Variants in FBXL18 observed in about 807,000 individuals in gnomAD.
FBXL18 encodes F-box/LRR-repeat protein 18.
Under a neutral mutation model 46.0 loss-of-function variants are expected in FBXL18, and 36 were observed. The ratio of observed to expected loss-of-function variants is 0.78; its 90% CI spans 0.60 to 1.03. FBXL18 has a LOEUF of 1.03. Ranked by LOEUF, FBXL18 falls within the 50% of genes least tolerant of loss-of-function variation. The pLI, the probability that FBXL18 is intolerant of heterozygous loss-of-function variation, is 0.00. For synonymous variants in FBXL18, 557 were observed against 465.3 expected (o/e 1.20, Z -2.54); for missense variants, 977 against 1,004.1 (o/e 0.97, Z 0.36).
chr7:5,468,761 G>A (rs1454056747), intron 4 of FBXL18, among the ~76,000 whole-genome samples: 4 of 151,736 alleles, frequency 2.6e-5, no homozygotes, highest in East Asian at 1.9e-4. Context: ...CCACCACGAC[G>A]GGCTAACTTT....
At chr7:5,474,466 C>T (rs1783476131), downstream of FBXL18, among the ~76,000 whole-genome samples, 1 of 150,018 alleles carries the variant, frequency 6.7e-6, no homozygotes, top group Non-Finnish European at 1.5e-5. Context: ...CAGGTGTGTG[C>T]CGCCATGCCC....
chr7:5,481,807 C>T lies in FBXL18; in HGVS notation c.2125G>A (p.Val709Met). The change falls in exon 5 of 5, where the codon GTG (valine) becomes ATG (methionine). Residue 709 changes from valine (V) to methionine (M), a missense_variant. Physicochemically the swap from Val to Met is conservative, Grantham distance 21. Transcript: ENST00000382368. Reference sequence around the variant, plus strand: ...CACAGGTTCGGCGGTTCCTCGGCCACTCTGCTCTTAAATAAGGTGATCTCA... The same window carrying T: ...CACAGGTTCGGCGGTTCCTCGGCCATTCTGCTCTTAAATAAGGTGATCTCA... ...LDEITLFKSR[V>M]AEEPPNLWW 6.2e-7 allele frequency: 1 copy of T among 1,613,650 alleles called. No homozygotes were observed. Among genetic ancestry groups the T allele is most frequent in the Non-Finnish European group, 8.5e-7 (1 of 1,179,998 alleles).
At chr7:5,497,441 A>G (rs761049704) in intron 3 of FBXL18, among the ~76,000 whole-genome samples, 10 of 152,140 alleles carry the variant, frequency 6.6e-5, no homozygotes, top group Non-Finnish European at 1.5e-4. Context: ...GACAGGAAAT[A>G]CAGAGGCTTC....
At chr7:5,470,650 C>T (rs953093672) in intron 4 of FBXL18, among the ~76,000 whole-genome samples, 1 of 151,932 alleles carries the variant, frequency 6.6e-6, no homozygotes, top group African/African-American at 2.4e-5. Context: ...AGGCCCCTTC[C>T]GCAGAGGCTT....
At position 5,462,996 on chromosome 7, in the gene FBXL18, A is replaced by ATATATAT. The variant is rs59380871; in HGVS notation, c.2001-15154_2001-15153insATATATA. Reference sequence around the variant, plus strand: ...TATATATATATATATATATATATATAATATATATACACACACACATGCATA... The same window carrying ATATATAT: ...TATATATATATATATATATATATATATATATATATATATATACACACACACATGCATA... On this transcript the variant is annotated intron_variant and NMD_transcript_variant, in intron 4 of 6. Coordinates refer to the FBXL18 transcript ENST00000415009. Among the ~76,000 whole-genome samples the ATATATAT allele has an allele frequency of 7.8e-3, 216 of 27,558 alleles. 17 individuals are homozygous for ATATATAT. Among genetic ancestry groups the ATATATAT allele is most frequent in the Non-Finnish European group, 0.011 (146 of 13,014 alleles). 18.1% of individuals were successfully genotyped at this position (27,558 alleles called of 152,430 possible).
chr7:5,468,144 A>G lies in FBXL18; in HGVS notation c.2001-20301T>C, dbSNP rs550765115. On this transcript the variant is annotated intron_variant and NMD_transcript_variant, in intron 4 of 6. Coordinates refer to the FBXL18 transcript ENST00000415009. ...ACTACAGGCGCCCGCCACCACACCC[A>G]GCTAATTTTTCTGTATTTTTAGTAG... Among the ~76,000 whole-genome samples, 34 of 152,086 alleles carry G rather than the reference A, an allele frequency of 2.2e-4. No homozygotes were observed. In the East Asian group the frequency reaches 3.7e-3, roughly 16 times the overall value.
At chr7:5,489,857 G>T in intron 4 of FBXL18, 1 of 491,656 alleles carries the variant, frequency 2.0e-6, no homozygotes, top group Non-Finnish European at 3.5e-6. Context: ...TCAGGAGGCT[G>T]AGGTTGCAAC....
intron 4 of FBXL18, among the ~76,000 whole-genome samples, chr7:5,460,512 G>A (rs987098759): frequency 6.6e-6 from 1 of 152,176 alleles, no homozygotes; most frequent in African/African-American, 2.4e-5. Flanking sequence ...GGAGTGCAAT[G>A]GTGCGATCTC....
At chr7:5,491,188 A>G (rs759142611) in intron 4 of FBXL18, 43 bp downstream of exon 4, 2 of 1,545,914 alleles carry the variant, frequency 1.3e-6, no homozygotes, top group East Asian at 4.7e-5. Context: ...GATGCTGGTG[A>G]TTTCTGCGGC....
intron 1 of FBXL18, among the ~76,000 whole-genome samples, chr7:5,511,619 T>A (rs1457299865): frequency 7.4e-6 from 1 of 134,976 alleles, no homozygotes; most frequent in Admixed American, 7.4e-5. Flanking sequence ...AAAAAAAAAA[T>A]CAGCCAGGTG....
At chr7:5,492,945 G>C (rs1783969290) in intron 3 of FBXL18, among the ~76,000 whole-genome samples, 1 of 152,140 alleles carries the variant, frequency 6.6e-6, no homozygotes. Flanking sequence ...GTGATCAATT[G>C]TCCTGGCAGC....
At chr7:5,483,438 CT>C (rs1783697180) in intron 4 of FBXL18, among the ~76,000 whole-genome samples, 1 of 111,878 alleles carries the variant, frequency 8.9e-6, no homozygotes, top group South Asian at 3.4e-4. Context: ...GAGACTCCAT[CT>C]CAAAAAAAGA....
In FBXL18 at chr7:5,455,763, AACACAC is replaced by A. The variant is rs36071919; in HGVS notation, c.2001-7926_2001-7921del. On this transcript the variant is annotated intron_variant and NMD_transcript_variant, in intron 4 of 6. Coordinates refer to the FBXL18 transcript ENST00000415009. This position sits in a 1 kb window ranked among gnomAD's most constrained non-coding sequence, Gnocchi z 4.6. ...CCCCCACCCCCACTACACACACACA[AACACAC>A]ACACACACACACACACACCACTTCC... Among the ~76,000 whole-genome samples the A allele has an allele frequency of 1.1e-4, 15 of 142,622 alleles. No homozygotes were observed. Among genetic ancestry groups the A allele is most frequent in the South Asian group, 2.3e-4 (1 of 4,392 alleles). The allele number at this position is 142,622 out of a possible 152,430, so 93.6% of individuals were successfully genotyped here. A position where few individuals can be genotyped will look rare whatever the true frequency, so the allele number is the denominator to read the frequency against.
chr7:5,454,965 G>A (rs966363440), intron 4 of FBXL18, among the ~76,000 whole-genome samples: 14 of 152,180 alleles, frequency 9.2e-5, no homozygotes, highest in Admixed American at 6.5e-4. Context: ...TACCAATGCC[G>A]CCCTCACCCC....
downstream of FBXL18, among the ~76,000 whole-genome samples, chr7:5,471,648 G>A (rs1371555011): frequency 1.3e-5 from 2 of 152,192 alleles, no homozygotes; most frequent in Admixed American, 1.3e-4. Flanking sequence ...CTGACCTCAT[G>A]ATCTGCCCTC....
At chr7:5,460,411 G>A (rs1489603657) in intron 4 of FBXL18, among the ~76,000 whole-genome samples, 2 of 152,086 alleles carry the variant, frequency 1.3e-5, no homozygotes, top group South Asian at 2.1e-4. Context: ...TCATTACCAC[G>A]CCCCTTCCTC....
chr7:5,488,856 C>G (rs544248985), intron 4 of FBXL18, among the ~76,000 whole-genome samples: 1 of 152,348 alleles, frequency 6.6e-6, no homozygotes, highest in South Asian at 2.1e-4. Context: ...CACAGTGCAC[C>G]CCTTCCCCCA....
downstream of FBXL18, among the ~76,000 whole-genome samples, chr7:5,470,836 C>T (rs749021747): frequency 6.6e-6 from 1 of 152,188 alleles, no homozygotes; most frequent in Non-Finnish European, 1.5e-5. Context: ...GGGAGCTCTC[C>T]TCCTTCACCC....
At chr7:5,507,447 G>A (rs185354789) in intron 1 of FBXL18, among the ~76,000 whole-genome samples, 3 of 152,208 alleles carry the variant, frequency 2.0e-5, no homozygotes, top group East Asian at 1.9e-4. Flanking sequence ...AAAGCCACAC[G>A]GAAACCAAAG....
Sources: gnomAD v4.1 joint callset for allele counts (sites outside exome capture counted in the v4.1 genomes callset) on GRCh38, gnomAD v4.1.1 for gene constraint, Gnocchi (gnomAD v3.1) non-coding constraint, MANE v1.5 for transcripts, NCBI Gene and HGNC (gene_info 2026-07-23, HGNC 2026-07-21) for gene names.